ZNF273: variants seen among roughly 807,000 people sequenced by gnomAD.
ZNF273 encodes the protein zinc finger protein 9.
Under a neutral mutation model 14.9 loss-of-function variants are expected in ZNF273, and 11 were observed. The observed-to-expected ratio is 0.74, with a 90% CI of 0.46 to 1.22. ZNF273 has a LOEUF of 1.22. Among genes scored for constraint, ZNF273 ranks in the 50% most tolerant of loss-of-function variants. The pLI is 0.00. For missense variants in ZNF273, 577 were observed against 660.6 expected (o/e 0.87, Z 1.39); for synonymous variants, 199 against 223.9 (o/e 0.89, Z 0.99).
At chr7:64,882,982 CGT>C (rs1168229421), downstream of ZNF273, among the ~76,000 whole-genome samples, 1 of 152,138 alleles carries the variant, frequency 6.6e-6, no homozygotes, top group East Asian at 1.9e-4. Context: ...TGTGTGTGCG[CGT>C]GTGTGTGTTT....
intron 1 of ZNF273, among the ~76,000 whole-genome samples, chr7:64,911,628 T>G (rs1255470133): frequency 5.3e-5 from 1 of 18,818 alleles, no homozygotes; most frequent in East Asian, 1.9e-3. Context: ...TGTATTTATT[T>G]GAATCGTCAT....
chr7:64,893,023 G>T (rs1281107638), downstream of ZNF273, among the ~76,000 whole-genome samples: 1 of 152,060 alleles, frequency 6.6e-6, no homozygotes, highest in Admixed American at 6.5e-5. Context: ...TTTTCTATTG[G>T]CACAGCTGCC....
chr7:64,886,508 G>A lies in ZNF273; in HGVS notation n.274-2065G>A, dbSNP rs190684332. Among the ~76,000 whole-genome samples the A allele has an allele frequency of 2.4e-4, 36 of 152,282 alleles. No individual in the cohort carries two copies. In the East Asian group the frequency reaches 7.0e-3, roughly 29 times the overall value. ...AACTGACCATCGCTACATGTTTACT[G>A]GGCACCTGGTGCAGGGCTAAGAAAT... On this transcript the variant is annotated intron_variant and non_coding_transcript_variant, in intron 1 of 1. Transcript: ENST00000471926.
chr7:64,911,383 C>T (rs1416517327), intron 1 of ZNF273, among the ~76,000 whole-genome samples: 2 of 151,730 alleles, frequency 1.3e-5, no homozygotes, highest in Non-Finnish European at 2.9e-5. Context: ...CCTGCTCCAG[C>T]CTCCCAAATA....
chr7:64,883,379 C>G (rs1791379553), downstream of ZNF273, among the ~76,000 whole-genome samples: 1 of 152,130 alleles, frequency 6.6e-6, no homozygotes. Flanking sequence ...GGTTCCCAGC[C>G]GAGCAGGCGC....
intron 1 of ZNF273, among the ~76,000 whole-genome samples, chr7:64,916,341 A>G (rs1045645898): frequency 8.2e-5 from 12 of 146,296 alleles, no homozygotes; most frequent in Non-Finnish European, 1.6e-4. Context: ...GCTGGCCAAC[A>G]TGGTGAAACC....
At chr7:64,915,387 TCAAA>T (rs1793901252) in intron 1 of ZNF273, among the ~76,000 whole-genome samples, 1 of 152,308 alleles carries the variant, frequency 6.6e-6, no homozygotes, top group Non-Finnish European at 1.5e-5. Flanking sequence ...GCTTAGAGCC[TCAAA>T]CAGAGATTTA....
At chr7:64,890,483 A>T (rs1391988841), downstream of ZNF273, among the ~76,000 whole-genome samples, 2 of 152,112 alleles carry the variant, frequency 1.3e-5, no homozygotes, top group Non-Finnish European at 2.9e-5. Context: ...GGGTTCCCTG[A>T]CAAGCTGGGG....
downstream of ZNF273, chr7:64,890,211 T>TGAGAGAGAGAGAGA (rs1385851498): frequency 3.9e-5 from 1 of 25,942 alleles, no homozygotes; most frequent in Non-Finnish European, 1.3e-4. Context: ...TGTGTGTGTG[T>TGAGAGAGAGAGAGA]GTGTGTGTGT....
downstream of ZNF273, chr7:64,893,542 A>C (rs1362965617): frequency 6.6e-6 from 1 of 152,200 alleles, no homozygotes; most frequent in Non-Finnish European, 1.5e-5. Flanking sequence ...TATTGATGGC[A>C]TCTTGAGGGC....
In ZNF273 at chr7:64,928,833, C is replaced by G. The variant is rs555033749; in HGVS notation, c.1505C>G (p.Thr502Ser). The change falls in exon 4 of 4, where the codon ACT (threonine) becomes AGT (serine). Residue 502 changes from threonine (T) to serine (S), a missense_variant. By Grantham distance (58) the Thr-to-Ser change is moderately conservative. Coordinates refer to ENST00000476120, the MANE Select transcript of ZNF273 (RefSeq NM_021148.3). Reference sequence around the variant, plus strand: ...GCCTTTAACTGGTCCTCAACTCTTACTAAACATAAGAGAATTCATACTGGA... The same window carrying G: ...GCCTTTAACTGGTCCTCAACTCTTAGTAAACATAAGAGAATTCATACTGGA... The part of the protein sequence containing the change: ...GKAFNWSSTL[T>S]KHKRIHTGEK... 16 of 1,613,864 alleles carry G rather than the reference C, an allele frequency of 9.9e-6. No homozygotes were observed. The South Asian group carries it at 1.8e-4, about 18-fold the overall frequency.
chr7:64,900,603 T>G (rs1259528945), upstream of ZNF273, among the ~76,000 whole-genome samples: 1 of 152,132 alleles, frequency 6.6e-6, no homozygotes. Context: ...CCATTGAACG[T>G]TAAAGAAATA....
downstream of ZNF273, chr7:64,893,786 G>A (rs1181677373): frequency 1.3e-5 from 2 of 152,088 alleles, no homozygotes; most frequent in African/African-American, 4.9e-5. Flanking sequence ...GTGAGGTGCT[G>A]ACGATTCTGG....
downstream of ZNF273, among the ~76,000 whole-genome samples, chr7:64,934,142 G>A (rs913609184): frequency 2.6e-5 from 4 of 152,046 alleles, no homozygotes; most frequent in Non-Finnish European, 4.4e-5. Context: ...TGATCTGCCC[G>A]CATTGGTCTC....
chr7:64,895,005 C>T (rs573653403), intron 3 of ZNF273, among the ~76,000 whole-genome samples: 3 of 151,722 alleles, frequency 2.0e-5, no homozygotes, highest in Non-Finnish European at 4.4e-5. Flanking sequence ...GGCATGGCAG[C>T]GTGTACCTGT....
In ZNF273 at chr7:64,912,846, T is replaced by TTTTG. The variant is rs1562959220; in HGVS notation, c.103-4735_103-4734insTTTG. 5.5e-3 allele frequency among the ~76,000 whole-genome samples: 536 copies of TTTTG among 98,270 alleles called. 102 individuals are homozygous for TTTTG. Among genetic ancestry groups the TTTTG allele is most frequent in the Non-Finnish European group, 0.012 (457 of 39,252 alleles). The allele number at this position is 98,270 out of a possible 152,430, so 64.5% of individuals were successfully genotyped here. Reference sequence around the variant, plus strand: ...TTTTAGTTTTTTTTTTTTTTTTTTTTGAGATTGAGTTTCGCTCTGTCATCC... The same window carrying TTTTG: ...TTTTAGTTTTTTTTTTTTTTTTTTTTTTTGGAGATTGAGTTTCGCTCTGTCATCC... On this transcript the variant is annotated intron_variant, in intron 1 of 3. Transcript: ENST00000476120.
exon 1 of ZNF273, chr7:64,877,674 ACT>A (rs1281748646): frequency 6.6e-6 from 1 of 152,008 alleles, no homozygotes; most frequent in Non-Finnish European, 1.5e-5. Context: ...TCGCCGTTGG[ACT>A]CTCGCCTGTC....
intron 3 of ZNF273, among the ~76,000 whole-genome samples, chr7:64,921,065 CT>C (rs150789090): frequency 0.093 from 13,843 of 149,410 alleles, 737 homozygotes; most frequent in South Asian, 0.18. Context: ...ATTTATTTTT[CT>C]TTTTTTTTTC....
At chr7:64,894,694 CAAAT>C (rs10549836), downstream of ZNF273, among the ~76,000 whole-genome samples, 57,656 of 151,618 alleles carry the variant, frequency 0.38, 11,277 homozygotes, top group South Asian at 0.45. Flanking sequence ...TACTGGTACT[CAAAT>C]AAAATACCAA....
Sources: allele counts gnomAD v4.1 joint callset (sites outside exome capture counted in the v4.1 genomes callset), GRCh38; gene constraint gnomAD v4.1.1; transcripts MANE v1.5; gene names NCBI Gene and HGNC (gene_info 2026-07-23, HGNC 2026-07-21).